ZNF678: variants seen among roughly 807,000 people sequenced by gnomAD.
ZNF678 encodes the protein zinc finger protein 678, also known as hypothetical protein MGC42493.
ZNF678 carries 5 observed loss-of-function variants against 3.0 expected under a neutral mutation model. The ratio of observed to expected loss-of-function variants is 1.69; its 90% CI spans 0.88 to 3.56. The LOEUF (loss-of-function observed/expected upper bound fraction) is 3.56. Among genes scored for constraint, ZNF678 ranks in the 30% most tolerant of loss-of-function variants. The pLI is 0.00. For synonymous variants in ZNF678, 218 were observed against 199.6 expected (o/e 1.09, Z -0.78); for missense variants, 593 against 605.0 (o/e 0.98, Z 0.21).
intron 1 of ZNF678, among the ~76,000 whole-genome samples, chr1:227,599,434 G>C (rs1263930746): frequency 1.3e-5 from 2 of 152,110 alleles, no homozygotes; most frequent in Non-Finnish European, 2.9e-5. Context: ...TATGTAATTA[G>C]GTGAAATTTT....
At chr1:227,586,045 A>G (rs1263079482) in intron 1 of ZNF678, among the ~76,000 whole-genome samples, 3 of 152,072 alleles carry the variant, frequency 2.0e-5, no homozygotes, top group African/African-American at 7.2e-5. Flanking sequence ...ATGATGAGCC[A>G]GGCAAGATGA....
At position 227,656,173 on chromosome 1, in the gene ZNF678, A is replaced by T. The variant is rs1659244009; in HGVS notation, c.*345A>T. 6.1e-6 allele frequency: 1 copy of T among 163,562 alleles called. No homozygotes were observed. The highest frequency in any genetic ancestry group is 2.4e-5 in the African/African-American group (1 of 41,898). The allele number at this position is 163,562 out of a possible 1,614,324, so 10.1% of individuals were successfully genotyped here. On this transcript the variant is annotated 3_prime_UTR_variant, in exon 4 of 4. Coordinates refer to ENST00000343776, the MANE Select transcript of ZNF678 (RefSeq NM_001367909.1). Reference sequence around the variant, plus strand: ...TATAGTATAGTAGAATATATTTTACAGATACAGTGAATACAAACAAATGTC... The same window carrying T: ...TATAGTATAGTAGAATATATTTTACTGATACAGTGAATACAAACAAATGTC...
rs1419587012 is a variant in ZNF678, at chr1:227,651,185, G to A, written c.85+109G>A. On this transcript the variant is annotated intron_variant, in intron 3 of 3. Coordinates refer to ENST00000343776, the MANE Select transcript of ZNF678 (RefSeq NM_001367909.1). Reference sequence around the variant, plus strand: ...AGGTTGTTGGCAGGGTCCACAATGGGGTCTGTCTTTGGTGGGCTTATTACC... The same window carrying A: ...AGGTTGTTGGCAGGGTCCACAATGGAGTCTGTCTTTGGTGGGCTTATTACC... The A allele has an allele frequency of 1.1e-5, 14 of 1,259,870 alleles. 1 individual carries two copies. The Admixed American group carries it at 2.4e-4, about 21-fold the overall frequency. The allele number at this position is 1,259,870 out of a possible 1,614,324, so 78.0% of individuals were successfully genotyped here.
At chr1:227,596,043 C>G (rs978604500) in intron 1 of ZNF678, among the ~76,000 whole-genome samples, 2 of 152,126 alleles carry the variant, frequency 1.3e-5, no homozygotes, top group African/African-American at 4.8e-5. Flanking sequence ...TAGTTCCTTC[C>G]CGGTGTTTAG....
At chr1:227,566,813 C>CA (rs201264154) in intron 1 of ZNF678, among the ~76,000 whole-genome samples, 2,537 of 152,218 alleles carry the variant, frequency 0.017, 58 homozygotes, top group South Asian at 0.057. Flanking sequence ...AACTCATTTA[C>CA]CTTTTTCTTC....
chr1:227,617,534 A>G (rs1330791228), intron 1 of ZNF678, among the ~76,000 whole-genome samples: 3 of 152,054 alleles, frequency 2.0e-5, no homozygotes, highest in Admixed American at 1.3e-4. Context: ...CAGCACTACA[A>G]CCCCTTTCTG....
intron 1 of ZNF678, among the ~76,000 whole-genome samples, chr1:227,610,535 C>T (rs1020807175): frequency 3.3e-5 from 5 of 152,136 alleles, no homozygotes; most frequent in African/African-American, 1.2e-4. Flanking sequence ...CATGAATGGA[C>T]TTGGAGGAGA....
chr1:227,667,147 G>A (rs535044860), downstream of ZNF678, among the ~76,000 whole-genome samples: 98 of 151,396 alleles, frequency 6.5e-4, no homozygotes, highest in African/African-American at 2.2e-3. Flanking sequence ...GGGGTCAAGC[G>A]ATCCTCCTTC....
At chr1:227,647,252 C>T (rs948441856) in intron 2 of ZNF678, among the ~76,000 whole-genome samples, 7 of 152,126 alleles carry the variant, frequency 4.6e-5, no homozygotes, top group African/African-American at 1.7e-4. Context: ...AGCAAAACTC[C>T]GTCTCAACAA....
rs1325145269 is a variant in ZNF678 at position 227,591,563 on chromosome 1, C to CT, written c.-164+27847dup. Among the ~76,000 whole-genome samples the CT allele has an allele frequency of 1.1e-4, 17 of 152,066 alleles. No homozygotes were observed. In the East Asian group the frequency reaches 3.3e-3, roughly 29 times the overall value. ...TTTAAGGTGACTTGTTTGGGCACCT[C>CT]TTTTTTTTCTGTTTTGGCTCACACT... On this transcript the variant is annotated intron_variant, in intron 1 of 3. Transcript: ENST00000343776.
At position 227,654,381 on chromosome 1, in the gene ZNF678, T is replaced by C; in HGVS notation, c.131T>C (p.Met44Thr). 2 of 1,600,342 alleles carry C rather than the reference T, an allele frequency of 1.2e-6. No homozygotes were observed. Among genetic ancestry groups the C allele is most frequent in the African/African-American group, 1.3e-5 (1 of 74,172 alleles). The change falls in exon 4 of 4, where the codon ATG becomes ACG. Residue 44 changes from methionine (M) to threonine (T), a missense_variant. Coordinates refer to ENST00000343776, the MANE Select transcript of ZNF678 (RefSeq NM_001367909.1). ...SIQDLLPEQD[M>T]KDLCQKVTLT... is the part of the protein sequence containing the mutation. ...CAAGACCTTTTGCCAGAGCAGGATA[T>C]GAAAGATTTATGCCAAAAAGTGACA... is the stretch of plus-strand genomic sequence containing the variant.
At chr1:227,640,291 T>C in intron 1 of ZNF678, among the ~76,000 whole-genome samples, 1 of 151,772 alleles carries the variant, frequency 6.6e-6, no homozygotes. Flanking sequence ...GTGGATACAG[T>C]TGACTGGGAA....
At chr1:227,669,653 A>AG (rs988694739) in intron 5 of ZNF678, among the ~76,000 whole-genome samples, 8 of 151,892 alleles carry the variant, frequency 5.3e-5, no homozygotes, top group African/African-American at 1.9e-4. Flanking sequence ...TCTCAAAAAA[A>AG]AAAAAAATAC....
intron 1 of ZNF678, chr1:227,598,593 G>A (rs962114069): frequency 1.2e-4 from 77 of 634,552 alleles, no homozygotes; most frequent in Non-Finnish European, 1.9e-5. Flanking sequence ...CAAGGACTTG[G>A]ATGATAAAGG....
intron 1 of ZNF678, among the ~76,000 whole-genome samples, chr1:227,575,868 T>C (rs140304771): frequency 3.3e-5 from 5 of 152,344 alleles, no homozygotes; most frequent in East Asian, 3.9e-4. Context: ...CAGTATGATA[T>C]TGGCTGTGGG....
At chr1:227,589,528 C>T (rs1305816853) in intron 1 of ZNF678, among the ~76,000 whole-genome samples, 5 of 151,634 alleles carry the variant, frequency 3.3e-5, no homozygotes, top group Non-Finnish European at 5.9e-5. Flanking sequence ...CAGCTGGGAG[C>T]ATTGGCAAGA....
intron 1 of ZNF678, among the ~76,000 whole-genome samples, chr1:227,616,173 C>A (rs1169512289): frequency 6.6e-6 from 1 of 152,100 alleles, no homozygotes; most frequent in Non-Finnish European, 1.5e-5. Flanking sequence ...ATTTTCTTAC[C>A]CACCTCTTTC....
intron 1 of ZNF678, among the ~76,000 whole-genome samples, chr1:227,595,862 G>A (rs757498556): frequency 1.3e-5 from 2 of 152,240 alleles, no homozygotes; most frequent in African/African-American, 2.4e-5. Context: ...GAGTAGGCAA[G>A]TTCCCAAGAC....
chr1:227,653,024 T>G (rs1659126672), intron 3 of ZNF678, among the ~76,000 whole-genome samples: 1 of 152,158 alleles, frequency 6.6e-6, no homozygotes, highest in Non-Finnish European at 1.5e-5. Flanking sequence ...ACAGTTTTAC[T>G]GTTAATAGTA....
Sources: allele counts gnomAD v4.1 joint callset (sites outside exome capture counted in the v4.1 genomes callset), GRCh38; gene constraint gnomAD v4.1.1; transcripts MANE v1.5; gene names NCBI Gene and HGNC (gene_info 2026-07-23, HGNC 2026-07-21).